The following PTPRN2 variants were observed in gnomAD, a reference collection of about 807,000 sequenced individuals.
PTPRN2 encodes the protein receptor-type tyrosine-protein phosphatase N2.
PTPRN2 carries 74 observed loss-of-function variants against 118.8 expected under a neutral mutation model. The observed-to-expected ratio is 0.62, with a 90% CI of 0.52 to 0.76. PTPRN2 has a LOEUF of 0.76. Ranked by LOEUF, PTPRN2 falls within the 30% of genes least tolerant of loss-of-function variation. The pLI is 0.00. For missense variants in PTPRN2, 1,481 were observed against 1,394.4 expected (o/e 1.06, Z -0.99); for synonymous variants, 641 against 608.0 (o/e 1.05, Z -0.80).
At chr7:157,768,789 T>C (rs1802632998) in intron 12 of PTPRN2, among the ~76,000 whole-genome samples, 1 of 152,228 alleles carries the variant, frequency 6.6e-6, no homozygotes, top group Non-Finnish European at 1.5e-5. Context: ...TTAATTGTAG[T>C]GTCTTTCTTT....
intron 3 of PTPRN2, among the ~76,000 whole-genome samples, chr7:158,296,024 G>C (rs919733831): frequency 2.0e-5 from 3 of 152,234 alleles, no homozygotes; most frequent in Admixed American, 6.5e-5. Flanking sequence ...GGGCAGGGAA[G>C]TGCTGGGTGG....
intron 12 of PTPRN2, among the ~76,000 whole-genome samples, chr7:157,685,233 G>A (rs1162303494): frequency 6.6e-6 from 1 of 151,746 alleles, no homozygotes; most frequent in Non-Finnish European, 1.5e-5. Flanking sequence ...GCCTCCATCC[G>A]CCCCAGCGCG....
intron 3 of PTPRN2, among the ~76,000 whole-genome samples, chr7:158,312,422 ACAC>A: frequency 4.2e-4 from 1 of 2,384 alleles, no homozygotes; most frequent in Admixed American, 5.5e-3. Flanking sequence ...GTAGACATAC[ACAC>A]ACATGCACAC....
intron 10 of PTPRN2, among the ~76,000 whole-genome samples, chr7:158,090,107 T>C (rs199644710): frequency 4.8e-5 from 5 of 105,150 alleles, no homozygotes; most frequent in African/African-American, 1.2e-4. Flanking sequence ...CACATCCTTC[T>C]TCCCCTGACA....
chr7:158,465,373 T>C (rs1819319139), intron 2 of PTPRN2, among the ~76,000 whole-genome samples: 1 of 152,332 alleles, frequency 6.6e-6, no homozygotes, highest in Middle Eastern at 3.4e-3. Context: ...CACCCCTTAC[T>C]CCCTTACTGT....
chr7:158,298,027 T>C (rs1302056288), intron 3 of PTPRN2, among the ~76,000 whole-genome samples: 1 of 152,214 alleles, frequency 6.6e-6, no homozygotes, highest in Non-Finnish European at 1.5e-5. Flanking sequence ...AAGTCATTAG[T>C]AGTGTTTTCC....
chr7:158,180,309 T>TCTTTA (rs1824590278), intron 5 of PTPRN2, among the ~76,000 whole-genome samples: 3 of 152,378 alleles, frequency 2.0e-5, no homozygotes, highest in Admixed American at 2.0e-4. Flanking sequence ...ATTTCTGGGT[T>TCTTTA]CTTTATTCTG....
At chr7:158,344,622 T>C (rs1807356479) in intron 2 of PTPRN2, among the ~76,000 whole-genome samples, 1 of 151,900 alleles carries the variant, frequency 6.6e-6, no homozygotes, top group Non-Finnish European at 1.5e-5. Flanking sequence ...GAGTGAGATG[T>C]AAAAATCAAA....
chr7:157,958,899 T>C (rs1476327465), intron 11 of PTPRN2, among the ~76,000 whole-genome samples: 1 of 152,076 alleles, frequency 6.6e-6, no homozygotes, highest in Non-Finnish European at 1.5e-5. Context: ...GAACAACCCA[T>C]CCAAAAATTT....
In PTPRN2 at chr7:157,898,701, A is replaced by C; in HGVS notation, c.1760T>G (p.Leu587Arg). The change falls in exon 12 of 23, where the codon CTG (leucine) becomes CGG (arginine). Residue 587 changes from leucine (L) to arginine (R), a missense_variant. Leu to Arg is a moderately radical substitution (Grantham distance 102, BLOSUM62 -2). Coordinates refer to ENST00000389418, the MANE Select transcript of PTPRN2 (RefSeq NM_002847.5). ...NKDKLEETSG[L>R]KILQTGVGSK... ...CCCGACTCCGGTTTGAAGAATTTTC[A>C]GTCCAGAGGTTTCCTCCAGTTTGTC... 2 of 1,607,726 alleles carry C rather than the reference A, an allele frequency of 1.2e-6. No homozygotes were observed. Among genetic ancestry groups the C allele is most frequent in the African/African-American group, 2.7e-5 (2 of 74,908 alleles).
intron 2 of PTPRN2, among the ~76,000 whole-genome samples, chr7:158,480,628 G>A (rs1043754792): frequency 7.9e-5 from 12 of 152,304 alleles, no homozygotes; most frequent in African/African-American, 2.9e-4. Context: ...GCCAAGTTGT[G>A]AATGTAAAGG....
intron 12 of PTPRN2, among the ~76,000 whole-genome samples, chr7:157,686,403 T>C (rs1407368351): frequency 6.6e-6 from 1 of 152,234 alleles, no homozygotes; most frequent in African/African-American, 2.4e-5. Flanking sequence ...TTACAATGAC[T>C]TGACTCCCTT....
At chr7:158,504,934 A>G (rs1004522199) in intron 1 of PTPRN2, among the ~76,000 whole-genome samples, 6 of 152,238 alleles carry the variant, frequency 3.9e-5, no homozygotes, top group Non-Finnish European at 8.8e-5. Context: ...TTAAAGGTAT[A>G]TATGTAAGAC....
chr7:158,108,893 G>A (rs1815928136), intron 10 of PTPRN2, among the ~76,000 whole-genome samples: 2 of 152,386 alleles, frequency 1.3e-5, no homozygotes, highest in South Asian at 4.1e-4. Flanking sequence ...AGGAGCCACT[G>A]AGTGAACGAG....
At chr7:157,817,115 C>T (rs1440928249) in intron 12 of PTPRN2, among the ~76,000 whole-genome samples, 5 of 152,118 alleles carry the variant, frequency 3.3e-5, no homozygotes, top group African/African-American at 4.8e-5. Flanking sequence ...GTTCCGGGGG[C>T]GCCGCGGGTC....
At chr7:157,733,270 T>C (rs1348821286) in intron 12 of PTPRN2, among the ~76,000 whole-genome samples, 1 of 22,640 alleles carries the variant, frequency 4.4e-5, no homozygotes, top group African/African-American at 2.4e-4. Context: ...GCACAGTTAC[T>C]CTTCCGTCCC....
chr7:157,885,409 G>A (rs1482831304), intron 12 of PTPRN2, among the ~76,000 whole-genome samples: 2 of 152,176 alleles, frequency 1.3e-5, no homozygotes. Flanking sequence ...GGCACCTGAT[G>A]CCCACCTGGG....
intron 5 of PTPRN2, among the ~76,000 whole-genome samples, chr7:158,172,175 G>A (rs1823760161): frequency 6.6e-6 from 1 of 152,144 alleles, no homozygotes; most frequent in Non-Finnish European, 1.5e-5. Flanking sequence ...CTGAAAGACT[G>A]GCCCAATCCT....
chr7:158,047,806 C>A (rs1808996969), intron 11 of PTPRN2, among the ~76,000 whole-genome samples: 1 of 152,218 alleles, frequency 6.6e-6, no homozygotes, highest in Admixed American at 6.5e-5. Context: ...AAGCACAGAG[C>A]AACATGCAGC....
Sources: allele counts gnomAD v4.1 joint callset (sites outside exome capture counted in the v4.1 genomes callset), GRCh38; gene constraint gnomAD v4.1.1; transcripts MANE v1.5; gene names NCBI Gene and HGNC (gene_info 2026-07-23, HGNC 2026-07-21).